ZNF226: variants seen among roughly 807,000 people sequenced by gnomAD.
The protein encoded by ZNF226 is Kruppel-associated box protein.
In ZNF226, 6 loss-of-function variants were observed where a neutral mutation model predicts 11.4. The observed-to-expected ratio is 0.53, with a 90% confidence interval of 0.29 to 1.04. The LOEUF is 1.04. Among genes scored for constraint, ZNF226 ranks in the 50% least tolerant of loss-of-function variants. The pLI is 0.08. For missense variants in ZNF226, 1,058 were observed against 956.5 expected (o/e 1.11, Z -1.40); for synonymous variants, 350 against 322.8 (o/e 1.08, Z -0.90).
intron 4 of ZNF226, chr19:44,172,638 T>C (rs1970238225): frequency 1.9e-6 from 1 of 527,552 alleles, no homozygotes; most frequent in Non-Finnish European, 3.3e-6. Flanking sequence ...AAACAGACAT[T>C]AGTTAAAAAT....
In ZNF226 at chr19:44,176,635, G is replaced by A; in HGVS notation, c.1373G>A (p.Arg458Gln). The A allele has an allele frequency of 4.3e-6, 7 of 1,613,106 alleles. No individual in the cohort carries two copies. Among genetic ancestry groups the A allele is most frequent in the Non-Finnish European group, 4.2e-6 (5 of 1,179,782 alleles). The change falls in exon 6 of 6, where the codon CGG (arginine) becomes CAG (glutamine). Residue 458 changes from arginine to glutamine, a missense_variant. Physicochemically the swap from Arg to Gln is conservative, Grantham distance 43 (BLOSUM62 1). Transcript: ENST00000337433. ...KCEECGKGFSRPSSLQAHQGV... is the reference protein window; with the variant it reads ...KCEECGKGFSQPSSLQAHQGV... ...GAGGAATGTGGTAAAGGCTTTAGTCGGCCTTCAAGTCTTCAGGCCCATCAG... is the reference window on the plus strand; with the variant it reads ...GAGGAATGTGGTAAAGGCTTTAGTCAGCCTTCAAGTCTTCAGGCCCATCAG...
At chr19:44,184,929 C>T in the ZNF226 span, among the ~76,000 whole-genome samples, 1 of 152,216 alleles carries the variant, frequency 6.6e-6, no homozygotes, top group Admixed American at 6.5e-5. Context: ...TTTCCTCCCC[C>T]CTCCTCCCAG....
intron 5 of ZNF226, chr19:44,175,216 T>G: frequency 7.1e-7 from 1 of 1,406,314 alleles, no homozygotes; most frequent in Non-Finnish European, 9.2e-7. Context: ...CATATTATGG[T>G]AGGAAAGACA....
chr19:44,170,265 T>A (rs548881016), intron 3 of ZNF226, among the ~76,000 whole-genome samples, 170 bp downstream of exon 3: 126 of 152,176 alleles, frequency 8.3e-4, no homozygotes, highest in Non-Finnish European at 1.4e-3. Context: ...TTAGTTTTAT[T>A]TCGTCATTTT....
downstream of ZNF226, among the ~76,000 whole-genome samples, chr19:44,179,356 T>C (rs1970872506): frequency 1.3e-5 from 2 of 152,178 alleles, no homozygotes; most frequent in Non-Finnish European, 2.9e-5. Flanking sequence ...AATACTGTTA[T>C]TTTACAGTAA....
At chr19:44,182,954 C>G (rs988045537), downstream of ZNF226, among the ~76,000 whole-genome samples, 4 of 152,116 alleles carry the variant, frequency 2.6e-5, no homozygotes, top group African/African-American at 9.7e-5. Context: ...GAATTGTGGC[C>G]TCTAAGGCAA....
the ZNF226 span, among the ~76,000 whole-genome samples, chr19:44,186,170 A>G: frequency 4.6e-5 from 7 of 151,972 alleles, no homozygotes; most frequent in African/African-American, 1.7e-4. Context: ...TATGTTTTGA[A>G]ATTAGGGAGT....
chr19:44,170,728 C>T (rs181610166), intron 3 of ZNF226, among the ~76,000 whole-genome samples: 99 of 151,726 alleles, frequency 6.5e-4, no homozygotes, highest in African/African-American at 2.3e-3. Context: ...AGCGAGACTC[C>T]GTCTCAAAAA....
chr19:44,198,528 A>T, the ZNF226 span, among the ~76,000 whole-genome samples: 1 of 152,230 alleles, frequency 6.6e-6, no homozygotes, highest in Non-Finnish European at 1.5e-5. Flanking sequence ...AAATACCAGC[A>T]TCTGTATCAA....
chr19:44,173,344 C>T (rs187894000), intron 5 of ZNF226: 5 of 292,906 alleles, frequency 1.7e-5, no homozygotes, highest in Non-Finnish European at 2.5e-5. Context: ...CTTTTCAGAC[C>T]TATCAAGGAT....
the ZNF226 span, among the ~76,000 whole-genome samples, chr19:44,186,522 T>A: frequency 4.6e-5 from 7 of 152,054 alleles, no homozygotes; most frequent in Non-Finnish European, 1.0e-4. Context: ...TATATAGAGA[T>A]GCAACTGATT....
intron 2 of ZNF226, chr19:44,167,806 T>C (rs1188047264): frequency 6.6e-6 from 1 of 152,086 alleles, no homozygotes; most frequent in African/African-American, 2.4e-5. Flanking sequence ...CCAACAACAA[T>C]TGTTTGTTTT....
chr19:44,177,064 A>G lies in ZNF226; in HGVS notation c.1802A>G (p.Asp601Gly). The part of the protein sequence containing the change: ...ECGKGFSRRA[D>G]LKIHCRIHTG... ...GGCAAGGGATTTAGTCGTAGAGCAG[A>G]TCTTAAAATTCACTGTAGGATCCAC... is the stretch of plus-strand genomic sequence containing the variant. Residue 601 changes from aspartate to glycine, a missense_variant, in exon 6 of 6, where the codon GAT becomes GGT. Asp to Gly is a moderately conservative substitution (Grantham distance 94). Coordinates refer to ENST00000337433, the MANE Select transcript of ZNF226 (RefSeq NM_001032373.2). 6.2e-7 allele frequency: 1 copy of G among 1,614,094 alleles called. No individual in the cohort carries two copies. The highest frequency in any genetic ancestry group is 1.1e-5 in the South Asian group (1 of 91,074).
chr19:44,194,114 T>C, the ZNF226 span, among the ~76,000 whole-genome samples: 4 of 152,238 alleles, frequency 2.6e-5, no homozygotes, highest in African/African-American at 9.6e-5. Context: ...AAGTTTTCCC[T>C]GGTTGTGTAG....
chr19:44,188,946 G>A, the ZNF226 span, among the ~76,000 whole-genome samples: 2 of 152,212 alleles, frequency 1.3e-5, no homozygotes, highest in Non-Finnish European at 1.5e-5. Context: ...CTTGACCACA[G>A]GGTTCAGTAA....
At chr19:44,197,071 G>A in the ZNF226 span, among the ~76,000 whole-genome samples, 1 of 151,892 alleles carries the variant, frequency 6.6e-6, no homozygotes, top group Non-Finnish European at 1.5e-5. Flanking sequence ...ATCCTTTTGT[G>A]TCTCTGTTTT....
chr19:44,181,254 CAT>C (rs563031343), downstream of ZNF226, among the ~76,000 whole-genome samples: 91 of 152,270 alleles, frequency 6.0e-4, no homozygotes, highest in Admixed American at 1.1e-3. Flanking sequence ...TGGAGGCACA[CAT>C]GTGTGGTTCC....
chr19:44,172,509 T>C (rs760746381), intron 4 of ZNF226: 1 of 396,014 alleles, frequency 2.5e-6, no homozygotes, highest in Non-Finnish European at 4.5e-6. Flanking sequence ...ATCAGCAGAT[T>C]TTAATGAAAT....
chr19:44,168,090 T>C (rs1253364649), intron 2 of ZNF226, among the ~76,000 whole-genome samples: 1 of 152,216 alleles, frequency 6.6e-6, no homozygotes, highest in East Asian at 1.9e-4. Context: ...TTTGGCTATT[T>C]TTATCAATGT....
Sources: gnomAD v4.1 joint callset for allele counts (sites outside exome capture counted in the v4.1 genomes callset) on GRCh38, gnomAD v4.1.1 for gene constraint, MANE v1.5 for transcripts, NCBI Gene and HGNC (gene_info 2026-07-23, HGNC 2026-07-21) for gene names.